The following ZHX3 variants were observed in gnomAD, a reference collection of about 807,000 sequenced individuals.
ZHX3 encodes the protein zinc fingers and homeoboxes 3.
A neutral mutation model predicts 64.5 loss-of-function variants in ZHX3; 20 were observed. That is an observed-to-expected ratio of 0.31 (90% CI 0.22 to 0.45). The LOEUF (loss-of-function observed/expected upper bound fraction) is 0.45. ZHX3 is among the 20% of genes least tolerant of loss of function. ZHX3 has a pLI of 1.00. For missense variants in ZHX3, 1,041 were observed against 1,195.8 expected, an observed-to-expected ratio of 0.87 and a Z score of 1.91; for synonymous variants, 423 against 461.6, an observed-to-expected ratio of 0.92 and a Z score of 1.07.
chr20:41,226,089 A>G lies in ZHX3; in HGVS notation c.-150-21023T>C, dbSNP rs2040249581. On this transcript the variant is annotated intron_variant, in intron 2 of 3. Transcript: ENST00000683867. The surrounding 1 kb of genome is among the most constrained non-coding windows in gnomAD (Gnocchi z 4.4). The stretch of plus-strand genomic sequence containing the variant: ...CCACTACTAATACTACCAGAAACCT[A>G]GCTAGCTAAAAAAAGTACTTATCTT... Among the ~76,000 whole-genome samples the G allele has an allele frequency of 6.6e-6, 1 of 152,022 alleles. No homozygotes were observed. Among genetic ancestry groups the G allele is most frequent in the Non-Finnish European group, 1.5e-5 (1 of 67,982 alleles).
intron 2 of ZHX3, among the ~76,000 whole-genome samples, chr20:41,237,704 G>A (rs1344422468): frequency 6.6e-6 from 1 of 152,126 alleles, no homozygotes; most frequent in Non-Finnish European, 1.5e-5. Flanking sequence ...CATGGCACAT[G>A]TATATGTAAC....
intron 1 of ZHX3, among the ~76,000 whole-genome samples, chr20:41,291,690 A>T (rs2044250485): frequency 6.6e-6 from 1 of 152,134 alleles, no homozygotes; most frequent in African/African-American, 2.4e-5. Context: ...ACACACAGAT[A>T]TAAGTTTATA....
chr20:41,191,846 G>C (rs2037046934), intron 3 of ZHX3, among the ~76,000 whole-genome samples: 1 of 152,340 alleles, frequency 6.6e-6, no homozygotes, highest in Non-Finnish European at 1.5e-5. Flanking sequence ...GCTAAGGACT[G>C]GAATGCCAGG....
chr20:41,257,299 C>T (rs1021886676), intron 2 of ZHX3, among the ~76,000 whole-genome samples: 1 of 152,154 alleles, frequency 6.6e-6, no homozygotes, highest in Non-Finnish European at 1.5e-5. Flanking sequence ...AGTGCAGTAT[C>T]TTGCATTGAC....
intron 1 of ZHX3, among the ~76,000 whole-genome samples, chr20:41,282,361 C>CTTTTTTTTT (rs568284480): frequency 0.01 from 1,002 of 97,102 alleles, 71 homozygotes; most frequent in African/African-American, 0.018. Flanking sequence ...CACAATTCAT[C>CTTTTTTTTT]TTTTTTTTTT....
intron 2 of ZHX3, among the ~76,000 whole-genome samples, chr20:41,209,850 C>G (rs574090712): frequency 6.6e-6 from 1 of 152,278 alleles, no homozygotes; most frequent in African/African-American, 2.4e-5. Flanking sequence ...CAAATGGGAT[C>G]TAATTAAACT....
intron 1 of ZHX3, among the ~76,000 whole-genome samples, chr20:41,316,025 C>T (rs1453609025): frequency 6.8e-6 from 1 of 147,608 alleles, no homozygotes; most frequent in South Asian, 2.1e-4. Context: ...AAAAAAAAAA[C>T]AAACTCAAAA....
rs2038445486 is a variant in ZHX3, at chr20:41,203,638, C to T, written c.1279G>A (p.Val427Ile). ...CCATTGGCCATCAATGGCTGAGTGA[C>T]CAGAAGTCCCCCTCCTGTACCCTCT... ...QPEGTGGGLL[V>I]TQPLMANGLQ... Residue 427 changes from valine (V) to isoleucine (I), a missense_variant, in exon 3 of 4, where the codon GTC (valine) becomes ATC (isoleucine). Val to Ile is a conservative substitution (Grantham distance 29). This residue lies in a region of ZHX3 where 649 missense variants were observed against 739.8 expected (regional missense o/e 0.88). Transcript: ENST00000683867. This position sits in a 1 kb window ranked among gnomAD's most constrained non-coding sequence, Gnocchi z 7.1. 26 of 1,614,066 alleles carry T rather than the reference C, an allele frequency of 1.6e-5. No homozygotes were observed. Among genetic ancestry groups the T allele is most frequent in the Non-Finnish European group, 2.0e-5 (24 of 1,180,040 alleles).
At chr20:41,186,323 TA>T (rs1439586497) in intron 3 of ZHX3, among the ~76,000 whole-genome samples, 12 of 152,238 alleles carry the variant, frequency 7.9e-5, no homozygotes, top group African/African-American at 2.9e-4. Context: ...TGTTGTAGGA[TA>T]TATCAGAATT....
chr20:41,190,003 GTGTT>G (rs1402916341), intron 3 of ZHX3, among the ~76,000 whole-genome samples: 1 of 151,526 alleles, frequency 6.6e-6, no homozygotes, highest in Non-Finnish European at 1.5e-5. Flanking sequence ...AGTTTTCTGA[GTGTT>G]TTTTTTTTAT....
intron 2 of ZHX3, among the ~76,000 whole-genome samples, chr20:41,260,749 T>C (rs930504455): frequency 1.3e-5 from 2 of 152,218 alleles, no homozygotes; most frequent in African/African-American, 4.8e-5. Flanking sequence ...CTACAAGTGG[T>C]AGTTCATTTA....
rs1442190406 is a variant in ZHX3 at position 41,219,935 on chromosome 20, T to C, written c.-150-14869A>G. Among the ~76,000 whole-genome samples, 4 of 152,224 alleles carry C rather than the reference T, an allele frequency of 2.6e-5. No homozygotes were observed. The highest frequency in any genetic ancestry group is 4.4e-5 in the Non-Finnish European group (3 of 68,044). On this transcript the variant is annotated intron_variant, in intron 2 of 3. Coordinates refer to ENST00000683867, the MANE Select transcript of ZHX3 (RefSeq NM_001384317.1). The surrounding 1 kb of genome is among the most constrained non-coding windows in gnomAD (Gnocchi z 5.0). ...AGCCTGAGTCCTAAAAGAAGAACAA[T>C]AGCTGACCTGCCATGTACATGCAGT...
Position 41,277,600 on chromosome 20 carries a change from C to CT in ZHX3, c.-244-8518dup, listed in dbSNP as rs1175633696. Among the ~76,000 whole-genome samples, 98 of 146,930 alleles carry CT rather than the reference C, an allele frequency of 6.7e-4. 1 individual carries two copies. Among genetic ancestry groups the CT allele is most frequent in the African/African-American group, 1.3e-3 (50 of 39,318 alleles). ...TACCCTCCATGTTAATTTTTTTTTT[C>CT]TTTTTTTTTGAGACAGAGTCTCGCT... is the stretch of plus-strand genomic sequence containing the variant. On this transcript the variant is annotated intron_variant, in intron 1 of 3. Transcript: ENST00000683867.
chr20:41,231,551 T>C (rs574599642), intron 2 of ZHX3, among the ~76,000 whole-genome samples: 83 of 152,348 alleles, frequency 5.4e-4, no homozygotes, highest in African/African-American at 1.9e-3. Flanking sequence ...TTATAGCACA[T>C]TCTACCTTAT....
At chr20:41,265,328 G>A (rs567596461) in intron 2 of ZHX3, among the ~76,000 whole-genome samples, 17 of 151,028 alleles carry the variant, frequency 1.1e-4, no homozygotes, top group African/African-American at 2.2e-4. Flanking sequence ...TCAGCCTCCC[G>A]AACAGCTGGG....
rs1032532990 is a variant in ZHX3, at chr20:41,203,228, G to A, written c.1689C>T (p.His563=). ...GCACAGAGTCAATGATGATGGAACTGTGATCTCCAGGTATCATCGCTCTGG... is the reference window on the plus strand; with the variant it reads ...GCACAGAGTCAATGATGATGGAACTATGATCTCCAGGTATCATCGCTCTGG... ...KGSRAMIPGD[H]SSIIIDSVPE... The change falls in exon 3 of 4, where the codon CAC becomes CAT. Residue 563 remains histidine, a synonymous_variant. Transcript: ENST00000683867. The surrounding 1 kb of genome is among the most constrained non-coding windows in gnomAD (Gnocchi z 7.1). The A allele has an allele frequency of 2.7e-5, 44 of 1,614,062 alleles. No homozygotes were observed. The highest frequency in any genetic ancestry group is 7.7e-5 in the South Asian group (7 of 91,082).
rs116722354 is a variant in ZHX3 at position 41,259,736 on chromosome 20, T to C, written c.-151+9254A>G. Among the ~76,000 whole-genome samples the C allele has an allele frequency of 2.5e-3, 380 of 152,246 alleles. 2 individuals are homozygous for C. The highest frequency in any genetic ancestry group is 8.3e-3 in the African/African-American group (347 of 41,558). On this transcript the variant is annotated intron_variant, in intron 2 of 3. Transcript: ENST00000683867. ...ATATGTAAATGCATAGAAAAAAATC[T>C]GGAAAGTTTCACAATAAACCCAACA...
chr20:41,201,435 G>A lies in ZHX3; in HGVS notation c.2860+622C>T, dbSNP rs138857976. ...GACTTGTCTGTGGCTTCAAAACTAT[G>A]TCTTAAATAAAAATAATCTTCTATG... On this transcript the variant is annotated intron_variant, in intron 3 of 3. Coordinates refer to ENST00000683867, the MANE Select transcript of ZHX3 (RefSeq NM_001384317.1). The surrounding 1 kb of genome is among the most constrained non-coding windows in gnomAD (Gnocchi z 5.0). 762 of 1,231,178 alleles carry A rather than the reference G, an allele frequency of 6.2e-4. 5 individuals are homozygous for A. In the African/African-American group the frequency reaches 0.011, roughly 18 times the overall value. The allele number at this position is 1,231,178 out of a possible 1,614,324, so 76.3% of individuals were successfully genotyped here.
intron 2 of ZHX3, among the ~76,000 whole-genome samples, chr20:41,258,482 T>G (rs1439485115): frequency 6.6e-6 from 1 of 152,246 alleles, no homozygotes; most frequent in Non-Finnish European, 1.5e-5. Context: ...CTTAGTCTCC[T>G]GCAGCCTGTG....
Sources: allele counts gnomAD v4.1 joint callset (sites outside exome capture counted in the v4.1 genomes callset), GRCh38; gene constraint gnomAD v4.1.1; regional missense constraint gnomAD v4.1.1; non-coding constraint Gnocchi (gnomAD v3.1); transcripts MANE v1.5; gene names NCBI Gene and HGNC (gene_info 2026-07-23, HGNC 2026-07-21).